The following CCDC171 variants were observed in gnomAD, a reference collection of about 807,000 sequenced individuals.
The protein encoded by CCDC171 is coiled-coil domain-containing protein 171.
CCDC171 carries 177 observed loss-of-function variants against 168.2 expected under a neutral mutation model. The observed-to-expected ratio is 1.05, with a 90% CI of 0.93 to 1.19. The LOEUF (loss-of-function observed/expected upper bound fraction) is 1.19, where lower values mean the gene tolerates loss of function less well. Ranked by LOEUF, CCDC171 falls within the 50% of genes most tolerant of loss-of-function variation. The pLI is 0.00. For missense variants in CCDC171, 1,991 were observed against 1,539.0 expected, an observed-to-expected ratio of 1.29 and a Z score of -4.91; for synonymous variants, 687 against 540.8, an observed-to-expected ratio of 1.27 and a Z score of -3.75.
intron 6 of CCDC171, among the ~76,000 whole-genome samples, chr9:15,612,582 T>G (rs1358372260): frequency 6.6e-6 from 1 of 152,222 alleles, no homozygotes; most frequent in Non-Finnish European, 1.5e-5. Context: ...GTTTTTAGTA[T>G]TAAAAGTATT....
At chr9:15,652,551 C>G (rs961741254) in intron 7 of CCDC171, among the ~76,000 whole-genome samples, 3 of 152,054 alleles carry the variant, frequency 2.0e-5, no homozygotes, top group Non-Finnish European at 2.9e-5. Flanking sequence ...TCACCTTAGC[C>G]TCCCTTGTAG....
chr9:16,078,399 T>G, the CCDC171 span, among the ~76,000 whole-genome samples: 6 of 152,106 alleles, frequency 3.9e-5, no homozygotes, highest in African/African-American at 1.4e-4. Flanking sequence ...GGTCGGTGGT[T>G]GAAGTGAAAG....
At chr9:16,032,497 C>G (rs1833380414) in intron 6 of CCDC171, among the ~76,000 whole-genome samples, 1 of 152,204 alleles carries the variant, frequency 6.6e-6, no homozygotes, top group African/African-American at 2.4e-5. Flanking sequence ...AGTCTGGGAT[C>G]TGGCTTCTCT....
At chr9:15,562,477 A>T (rs577374631) in intron 1 of CCDC171, among the ~76,000 whole-genome samples, 11 of 152,296 alleles carry the variant, frequency 7.2e-5, no homozygotes, top group Admixed American at 2.6e-4. Context: ...ATCTCTCTAG[A>T]GGACCATTCA....
chr9:15,964,662 A>G (rs1233363363), intron 25 of CCDC171, among the ~76,000 whole-genome samples: 1 of 152,192 alleles, frequency 6.6e-6, no homozygotes, highest in Admixed American at 6.5e-5. Flanking sequence ...CAGGAAATCT[A>G]AACATCCTGG....
the CCDC171 span, among the ~76,000 whole-genome samples, chr9:16,104,652 A>G: frequency 1.3e-5 from 2 of 151,882 alleles, no homozygotes. Flanking sequence ...CCATGCACCC[A>G]TCATCATCCA....
intron 25 of CCDC171, among the ~76,000 whole-genome samples, chr9:15,963,204 A>G (rs1830507691): frequency 6.6e-6 from 1 of 152,184 alleles, no homozygotes; most frequent in Non-Finnish European, 1.5e-5. Context: ...GCAGGGAGGG[A>G]TAGCATTAGG....
At chr9:15,586,412 A>T (rs938792125) in intron 4 of CCDC171, among the ~76,000 whole-genome samples, 2 of 152,208 alleles carry the variant, frequency 1.3e-5, no homozygotes, top group African/African-American at 4.8e-5. Flanking sequence ...CAAGAGAGAA[A>T]ATTTTGGAAG....
At chr9:16,049,179 C>T (rs1476464696) in intron 1 of CCDC171, among the ~76,000 whole-genome samples, 2 of 152,158 alleles carry the variant, frequency 1.3e-5, no homozygotes, top group Non-Finnish European at 2.9e-5. Context: ...AGGATTACTG[C>T]ATTGTGTCAG....
chr9:16,077,148 G>A, the CCDC171 span, among the ~76,000 whole-genome samples: 1 of 152,160 alleles, frequency 6.6e-6, no homozygotes, highest in Non-Finnish European at 1.5e-5. Context: ...CTGGTGGAAA[G>A]CTTTTAATAA....
chr9:15,628,298 A>G (rs1012014032), intron 7 of CCDC171, among the ~76,000 whole-genome samples: 3 of 152,140 alleles, frequency 2.0e-5, no homozygotes, highest in African/African-American at 7.2e-5. Context: ...GACAGGTGGC[A>G]CCTGGAAAAT....
intron 11 of CCDC171, among the ~76,000 whole-genome samples, chr9:15,697,258 G>A (rs2051286986): frequency 6.6e-6 from 1 of 152,196 alleles, no homozygotes; most frequent in African/African-American, 2.4e-5. Context: ...TTTCATGGCT[G>A]TGGCTCTTGT....
At chr9:16,036,230 T>G (rs1586849882) in intron 8 of CCDC171, 1 of 152,182 alleles carries the variant, frequency 6.6e-6, no homozygotes, top group East Asian at 1.9e-4. Flanking sequence ...AGAAACTACA[T>G]TAGTTGTCTT....
chr9:15,987,035 A>G (rs1339136975), intron 3 of CCDC171, among the ~76,000 whole-genome samples: 4 of 151,380 alleles, frequency 2.6e-5, no homozygotes, highest in Admixed American at 2.6e-4. Context: ...AATGTACTAG[A>G]AATATACATA....
chr9:15,841,660 G>A (rs1014582622), intron 21 of CCDC171, among the ~76,000 whole-genome samples: 17 of 151,772 alleles, frequency 1.1e-4, no homozygotes, highest in Admixed American at 2.6e-4. Context: ...TACCAAGATC[G>A]AAATTTATTC....
intron 21 of CCDC171, among the ~76,000 whole-genome samples, chr9:15,800,646 G>T (rs977198026): frequency 6.6e-6 from 1 of 151,762 alleles, no homozygotes; most frequent in African/African-American, 2.4e-5. Context: ...TTTTTCTTTG[G>T]TTATCTGTGC....
At chr9:15,636,361 T>G (rs2046199836) in intron 7 of CCDC171, among the ~76,000 whole-genome samples, 1 of 152,202 alleles carries the variant, frequency 6.6e-6, no homozygotes, top group Non-Finnish European at 1.5e-5. Context: ...ACATATTGTC[T>G]TGTGCTGAAC....
intron 3 of CCDC171, among the ~76,000 whole-genome samples, chr9:15,576,269 G>C (rs1194477999): frequency 6.6e-6 from 1 of 151,696 alleles, no homozygotes; most frequent in Admixed American, 6.6e-5. Flanking sequence ...CTACAGCCTG[G>C]AACTCCTGGG....
Position 15,929,862 on chromosome 9 carries a change from C to T in CCDC171, c.3753+9440C>T, listed in dbSNP as rs189528344. Among the ~76,000 whole-genome samples the T allele has an allele frequency of 1.8e-3, 271 of 151,786 alleles. 2 individuals carry two copies. The highest frequency in any genetic ancestry group is 5.7e-3 in the African/African-American group (237 of 41,498). On this transcript the variant is annotated intron_variant, in intron 25 of 25. Coordinates refer to ENST00000380701, the MANE Select transcript of CCDC171 (RefSeq NM_173550.4). The stretch of plus-strand genomic sequence containing the variant: ...AGTTGTTTTTTCTCTACAGTTTCCC[C>T]ATAATAAAGTATGAGTTTTTTACCA...
Sources: allele counts gnomAD v4.1 joint callset (sites outside exome capture counted in the v4.1 genomes callset), GRCh38; gene constraint gnomAD v4.1.1; transcripts MANE v1.5; gene names NCBI Gene and HGNC (gene_info 2026-07-23, HGNC 2026-07-21).